Variants in NEGR1 observed in about 807,000 individuals in gnomAD.
NEGR1 encodes the protein IgLON family member 4.
NEGR1 carries 10 observed loss-of-function variants against 40.9 expected under a neutral mutation model. The observed-to-expected ratio is 0.24, with a 90% CI of 0.15 to 0.42. NEGR1 has a LOEUF of 0.42. Among genes scored for constraint, NEGR1 ranks in the 10% least tolerant of loss-of-function variants. The probability of loss-of-function intolerance (pLI) is 1.00; values close to 1 mark genes in which losing one functional copy is unlikely to be tolerated. For synonymous variants in NEGR1, 185 were observed against 166.8 expected (o/e 1.11, Z -0.84); for missense variants, 352 against 438.9 (o/e 0.80, Z 1.77).
At chr1:71,607,812 G>C (rs1650118483) in intron 5 of NEGR1, among the ~76,000 whole-genome samples, 1 of 152,110 alleles carries the variant, frequency 6.6e-6, no homozygotes, top group Non-Finnish European at 1.5e-5. Flanking sequence ...TCCTGCGTCA[G>C]CCTCCTGAGT....
At chr1:71,920,676 A>C (rs1194765542) in intron 2 of NEGR1, among the ~76,000 whole-genome samples, 2 of 152,176 alleles carry the variant, frequency 1.3e-5, no homozygotes, top group African/African-American at 4.8e-5. Context: ...CAAATGCTCA[A>C]AGGATGTGGC....
chr1:72,248,414 C>T (rs12085914), intron 1 of NEGR1, among the ~76,000 whole-genome samples: 6,049 of 151,800 alleles, frequency 0.04, 386 homozygotes, highest in African/African-American at 0.14. Context: ...CTTGTCACCA[C>T]GCCTGGCTAA....
At chr1:71,646,611 T>C (rs139574767) in intron 4 of NEGR1, among the ~76,000 whole-genome samples, 3 of 151,986 alleles carry the variant, frequency 2.0e-5, no homozygotes, top group East Asian at 1.9e-4. Flanking sequence ...ATGAAAATAA[T>C]TAATGAGCAC....
chr1:72,091,253 A>T (rs1332996445), intron 1 of NEGR1, among the ~76,000 whole-genome samples: 1 of 152,172 alleles, frequency 6.6e-6, no homozygotes, highest in African/African-American at 2.4e-5. Flanking sequence ...GGTCATGCAC[A>T]TTATATATCT....
intron 1 of NEGR1, among the ~76,000 whole-genome samples, chr1:72,219,090 G>A (rs866744835): frequency 1.3e-5 from 2 of 152,002 alleles, no homozygotes; most frequent in African/African-American, 4.8e-5. Context: ...AACTGAAGTT[G>A]CCTGAGTATA....
intron 6 of NEGR1, among the ~76,000 whole-genome samples, chr1:71,548,551 C>T (rs1647974380): frequency 6.6e-6 from 1 of 151,750 alleles, no homozygotes; most frequent in South Asian, 2.1e-4. Flanking sequence ...GTTTCAAAGA[C>T]ATCTTACATT....
At chr1:71,698,692 T>C (rs1570226549) in intron 3 of NEGR1, among the ~76,000 whole-genome samples, 2 of 152,054 alleles carry the variant, frequency 1.3e-5, no homozygotes, top group Non-Finnish European at 1.5e-5. Context: ...GTACATGCTA[T>C]ATATAACTCA....
At chr1:71,772,042 C>T (rs986468329) in intron 3 of NEGR1, among the ~76,000 whole-genome samples, 2 of 152,118 alleles carry the variant, frequency 1.3e-5, no homozygotes, top group African/African-American at 4.8e-5. Context: ...AGACAACACA[C>T]TGATTGATTG....
chr1:71,828,306 G>T (rs1570402760), intron 2 of NEGR1, among the ~76,000 whole-genome samples: 1 of 151,972 alleles, frequency 6.6e-6, no homozygotes, highest in Non-Finnish European at 1.5e-5. Context: ...TTTGAAAATT[G>T]TTTTTATCCC....
chr1:71,522,761 A>AAT (rs964657435), intron 6 of NEGR1, among the ~76,000 whole-genome samples: 14 of 146,066 alleles, frequency 9.6e-5, no homozygotes, highest in African/African-American at 3.4e-4. Context: ...ACACACGCAC[A>AAT]ATACTTTTTA....
chr1:71,563,247 G>C (rs1277837798), intron 6 of NEGR1, among the ~76,000 whole-genome samples: 1 of 151,852 alleles, frequency 6.6e-6, no homozygotes, highest in African/African-American at 2.4e-5. Flanking sequence ...GCTGACTCTG[G>C]GAGATACTTA....
intron 3 of NEGR1, among the ~76,000 whole-genome samples, chr1:71,743,310 A>G (rs776325549): frequency 6.6e-6 from 1 of 152,124 alleles, no homozygotes; most frequent in Non-Finnish European, 1.5e-5. Context: ...ACATAAAATA[A>G]CAGAGGTGAA....
intron 6 of NEGR1, among the ~76,000 whole-genome samples, chr1:71,444,253 T>C (rs1369950468): frequency 6.6e-6 from 1 of 152,214 alleles, no homozygotes; most frequent in South Asian, 2.1e-4. Context: ...AGCCTTATCA[T>C]TTCAGCCTAT....
intron 1 of NEGR1, among the ~76,000 whole-genome samples, chr1:72,164,771 G>A (rs908004892): frequency 2.0e-5 from 3 of 151,856 alleles, no homozygotes; most frequent in African/African-American, 7.2e-5. Flanking sequence ...TAAGGTGGAG[G>A]AACCAAATAA....
chr1:71,909,918 T>C (rs968100317), intron 2 of NEGR1, among the ~76,000 whole-genome samples: 1 of 152,222 alleles, frequency 6.6e-6, no homozygotes, highest in Non-Finnish European at 1.5e-5. Flanking sequence ...GCATAGACTC[T>C]ATAAATAGTA....
At chr1:71,725,383 G>A (rs1557628750) in intron 3 of NEGR1, among the ~76,000 whole-genome samples, 1 of 151,968 alleles carries the variant, frequency 6.6e-6, no homozygotes, top group Non-Finnish European at 1.5e-5. Context: ...ATCCGTCATT[G>A]CAGATACTCT....
chr1:72,214,970 C>A (rs1319790820), intron 1 of NEGR1, among the ~76,000 whole-genome samples: 2 of 151,810 alleles, frequency 1.3e-5, no homozygotes, highest in East Asian at 3.9e-4. Context: ...ATTCAAACTA[C>A]AATGTTACAG....
intron 4 of NEGR1, among the ~76,000 whole-genome samples, chr1:71,661,616 T>A (rs1274944869): frequency 6.6e-6 from 1 of 152,190 alleles, no homozygotes; most frequent in Non-Finnish European, 1.5e-5. Flanking sequence ...ATAAATCTTA[T>A]GACCCCCGTT....
intron 1 of NEGR1, among the ~76,000 whole-genome samples, chr1:72,006,807 C>CA (rs1646611584): frequency 6.6e-6 from 1 of 152,100 alleles, no homozygotes; most frequent in South Asian, 2.1e-4. Context: ...GTTAGACTGC[C>CA]CTTAACAAGT....
Sources: gnomAD v4.1 joint callset for allele counts (sites outside exome capture counted in the v4.1 genomes callset) on GRCh38, gnomAD v4.1.1 for gene constraint, MANE v1.5 for transcripts, NCBI Gene and HGNC (gene_info 2026-07-23, HGNC 2026-07-21) for gene names.